Variants in KIF26B observed in about 807,000 individuals in gnomAD.
KIF26B encodes kinesin-like protein KIF26B.
Under a neutral mutation model 151.2 loss-of-function variants are expected in KIF26B, and 63 were observed. The ratio of observed to expected loss-of-function variants is 0.42; its 90% confidence interval spans 0.34 to 0.51. The LOEUF is 0.51. Among genes scored for constraint, KIF26B ranks in the 20% least tolerant of loss-of-function variants. The pLI, the probability that KIF26B is intolerant of heterozygous loss-of-function variation, is 0.07. For missense variants in KIF26B, 2,813 were observed against 2,913.6 expected, an observed-to-expected ratio of 0.97 and a Z score of 0.79; for synonymous variants, 1,357 against 1,262.1, an observed-to-expected ratio of 1.08 and a Z score of -1.59.
chr1:245,249,224 G>A (rs1027317962), intron 2 of KIF26B, among the ~76,000 whole-genome samples: 26 of 151,992 alleles, frequency 1.7e-4, no homozygotes, highest in Non-Finnish European at 2.9e-5. Context: ...CGCCTCCTGA[G>A]TAGCTGGGAT....
At chr1:245,337,134 TTTTATTTATTTATTTATTTATTTA>T (rs59391704) in intron 2 of KIF26B, among the ~76,000 whole-genome samples, 4 of 148,138 alleles carry the variant, frequency 2.7e-5, no homozygotes, top group Non-Finnish European at 4.5e-5. Flanking sequence ...CATTTAGAAG[TTTTATTTATTTATTTATTTATTTA>T]TTTATTTATT....
intron 2 of KIF26B, among the ~76,000 whole-genome samples, chr1:245,312,082 G>T (rs1558384796): frequency 6.6e-6 from 1 of 152,214 alleles, no homozygotes; most frequent in Non-Finnish European, 1.5e-5. Flanking sequence ...TGACTGCACA[G>T]CTGGGTCTAC....
At chr1:245,260,868 A>G (rs1670622174) in intron 2 of KIF26B, among the ~76,000 whole-genome samples, 3 of 152,164 alleles carry the variant, frequency 2.0e-5, no homozygotes. Flanking sequence ...TATTAACTCA[A>G]TAGCCTTCTT....
intron 9 of KIF26B, among the ~76,000 whole-genome samples, chr1:245,620,019 G>A (rs1158631047): frequency 6.6e-6 from 1 of 151,994 alleles, no homozygotes; most frequent in Non-Finnish European, 1.5e-5. Flanking sequence ...GTAAGCAGAT[G>A]GTATTAGGTC....
At position 245,522,505 on chromosome 1, in the gene KIF26B, T is replaced by C. The variant is rs562196850; in HGVS notation, c.1167-18262T>C. The stretch of plus-strand genomic sequence containing the variant: ...GTCAGAGGAGGAACTACCAAGTAAG[T>C]AATTGCCTCCAGCACACAAAAACTG... On this transcript the variant is annotated intron_variant, in intron 4 of 14. Coordinates refer to ENST00000407071, the MANE Select transcript of KIF26B (RefSeq NM_018012.4). Among the ~76,000 whole-genome samples, 3 of 152,312 alleles carry C rather than the reference T, an allele frequency of 2.0e-5. No homozygotes were observed. The South Asian group carries it at 6.2e-4, about 32-fold the overall frequency.
At chr1:245,664,785 C>G (rs796648060) in intron 10 of KIF26B, among the ~76,000 whole-genome samples, 4 of 152,292 alleles carry the variant, frequency 2.6e-5, no homozygotes, top group African/African-American at 9.6e-5. Flanking sequence ...TCACTATCTT[C>G]TAATACCACT....
chr1:245,464,143 A>G lies in KIF26B; in HGVS notation c.1166+44398A>G, dbSNP rs1176737701. On this transcript the variant is annotated intron_variant, in intron 4 of 14. Coordinates refer to ENST00000407071, the MANE Select transcript of KIF26B (RefSeq NM_018012.4). ...GTCAAACACTATGAGATAAACATCA[A>G]GAGCTTAAAATGAATGCATGTTCAA... 4.6e-5 allele frequency among the ~76,000 whole-genome samples: 7 copies of G among 152,246 alleles called. 1 individual carries two copies.
intron 12 of KIF26B, among the ~76,000 whole-genome samples, chr1:245,692,348 G>C (rs149915042): frequency 3.3e-5 from 5 of 152,182 alleles, no homozygotes; most frequent in South Asian, 2.1e-4. Flanking sequence ...GATGCTGAGT[G>C]GGGTAGTGAA....
intron 4 of KIF26B, among the ~76,000 whole-genome samples, chr1:245,528,695 A>T (rs1040152161): frequency 6.6e-6 from 1 of 152,210 alleles, no homozygotes; most frequent in African/African-American, 2.4e-5. Context: ...TTCCACAGGA[A>T]TTGGGAATAA....
intron 10 of KIF26B, among the ~76,000 whole-genome samples, chr1:245,679,360 G>A (rs899173984): frequency 2.1e-5 from 3 of 144,348 alleles, no homozygotes; most frequent in African/African-American, 5.2e-5. Flanking sequence ...TCATTATCCT[G>A]TTCTTTTTGT....
chr1:245,655,590 T>C (rs1248271685), intron 10 of KIF26B, among the ~76,000 whole-genome samples: 2 of 152,214 alleles, frequency 1.3e-5, no homozygotes, highest in Non-Finnish European at 2.9e-5. Context: ...CAAAGGACTC[T>C]GCCCTCAAAC....
rs576774248 is a variant in KIF26B at position 245,560,843 on chromosome 1, G to A, written c.1350+19893G>A. Among the ~76,000 whole-genome samples, 3 of 152,148 alleles carry A rather than the reference G, an allele frequency of 2.0e-5. No homozygotes were observed. Among genetic ancestry groups the A allele is most frequent in the Non-Finnish European group, 4.4e-5 (3 of 68,014 alleles). On this transcript the variant is annotated intron_variant, in intron 5 of 14. Transcript: ENST00000407071. The surrounding 1 kb of genome is among the most constrained non-coding windows in gnomAD (Gnocchi z 4.3). The stretch of plus-strand genomic sequence containing the variant: ...ACAGGGACAGCCTCCGCAGACTCCC[G>A]TGTGTGTGCTCTGGAGAGAAAAGAT...
intron 2 of KIF26B, among the ~76,000 whole-genome samples, chr1:245,308,248 G>A (rs1413785459): frequency 6.6e-6 from 1 of 152,196 alleles, no homozygotes; most frequent in Non-Finnish European, 1.5e-5. Context: ...GCATGAGAAG[G>A]CTGTGTGGCC....
intron 2 of KIF26B, among the ~76,000 whole-genome samples, chr1:245,254,360 C>T (rs1388863000): frequency 2.0e-5 from 3 of 151,946 alleles, no homozygotes; most frequent in African/African-American, 4.8e-5. Context: ...TGTAACTTTC[C>T]AGAGCAAAAA....
intron 2 of KIF26B, among the ~76,000 whole-genome samples, chr1:245,193,343 G>A (rs1471732457): frequency 6.6e-6 from 1 of 152,142 alleles, no homozygotes; most frequent in East Asian, 1.9e-4. Flanking sequence ...GTGAACATAC[G>A]TGTGCATATG....
At chr1:245,269,657 G>T (rs956397120) in intron 2 of KIF26B, among the ~76,000 whole-genome samples, 3 of 151,900 alleles carry the variant, frequency 2.0e-5, no homozygotes, top group Admixed American at 1.3e-4. Context: ...TAGAGATGGG[G>T]TTTCACTGTG....
chr1:245,439,950 G>A (rs1051032338), intron 4 of KIF26B, among the ~76,000 whole-genome samples: 7 of 152,318 alleles, frequency 4.6e-5, no homozygotes, highest in African/African-American at 1.2e-4. Flanking sequence ...GGCCAGGTGC[G>A]GTGGCTCACG....
intron 3 of KIF26B, among the ~76,000 whole-genome samples, chr1:245,380,811 G>A (rs190102674): frequency 1.3e-5 from 2 of 152,102 alleles, no homozygotes; most frequent in South Asian, 2.1e-4. Flanking sequence ...GCAATTTGGG[G>A]TGCCTAGGAT....
chr1:245,540,609 TTA>T lies in KIF26B; in HGVS notation c.1167-155_1167-154del, dbSNP rs1383598606. On this transcript the variant is annotated intron_variant, in intron 4 of 14. Coordinates refer to ENST00000407071, the MANE Select transcript of KIF26B (RefSeq NM_018012.4). This position sits in a 1 kb window ranked among gnomAD's most constrained non-coding sequence, Gnocchi z 4.6. The stretch of plus-strand genomic sequence containing the variant: ...TGGGTAGCTCGTTAACTTCACTCTG[TTA>T]TAGTAAGGGACTGCTACAGAGGACA... The T allele has an allele frequency of 1.3e-6, 1 of 767,914 alleles. No individual in the cohort carries two copies. 47.6% of individuals were successfully genotyped at this position (767,914 alleles called of 1,614,324 possible).
Sources: gnomAD v4.1 joint callset for allele counts (sites outside exome capture counted in the v4.1 genomes callset) on GRCh38, gnomAD v4.1.1 for gene constraint, Gnocchi (gnomAD v3.1) non-coding constraint, MANE v1.5 for transcripts, NCBI Gene and HGNC (gene_info 2026-07-23, HGNC 2026-07-21) for gene names.